Variants in SLC35F3 observed in about 807,000 individuals in gnomAD.
SLC35F3 encodes putative thiamine transporter SLC35F3.
SLC35F3 carries 25 observed loss-of-function variants against 49.9 expected under a neutral mutation model. The observed-to-expected ratio is 0.50, with a 90% CI of 0.37 to 0.70. SLC35F3 has a LOEUF of 0.70. SLC35F3 is among the 30% of genes least tolerant of loss of function. The pLI is 0.00. For synonymous variants in SLC35F3, 275 were observed against 265.4 expected (o/e 1.04, Z -0.35); for missense variants, 525 against 639.8 (o/e 0.82, Z 1.94).
chr1:234,121,052 A>G (rs1665563105), intron 2 of SLC35F3, among the ~76,000 whole-genome samples: 1 of 152,068 alleles, frequency 6.6e-6, no homozygotes, highest in African/African-American at 2.4e-5. Context: ...GCAACTCTTC[A>G]ATAGAAAAAA....
chr1:234,021,719 C>A (rs1359911531), intron 2 of SLC35F3, among the ~76,000 whole-genome samples: 1 of 152,230 alleles, frequency 6.6e-6, no homozygotes, highest in Admixed American at 6.5e-5. Context: ...GTAGGGTCTG[C>A]AACCTCCCTT....
At chr1:234,222,035 G>T (rs909910801) in intron 2 of SLC35F3, among the ~76,000 whole-genome samples, 2 of 152,206 alleles carry the variant, frequency 1.3e-5, no homozygotes, top group East Asian at 3.9e-4. Context: ...GAGCATATGT[G>T]TGCATGTAAA....
At chr1:233,937,360 G>A (rs963730047) in intron 2 of SLC35F3, among the ~76,000 whole-genome samples, 17 of 152,246 alleles carry the variant, frequency 1.1e-4, no homozygotes, top group African/African-American at 4.1e-4. Context: ...TATCCATTCT[G>A]TTAAAATCAA....
chr1:234,312,737 C>A (rs1657387361), intron 4 of SLC35F3, among the ~76,000 whole-genome samples: 1 of 152,184 alleles, frequency 6.6e-6, no homozygotes, highest in Admixed American at 6.5e-5. Flanking sequence ...AAAATCAGTC[C>A]ATTTTTCCCT....
chr1:234,199,988 A>T (rs560126774), intron 2 of SLC35F3, among the ~76,000 whole-genome samples: 1 of 152,334 alleles, frequency 6.6e-6, no homozygotes, highest in East Asian at 1.9e-4. Flanking sequence ...GAATAATAGC[A>T]CACGTTTGGT....
At chr1:233,935,435 A>G (rs1662308591) in intron 2 of SLC35F3, among the ~76,000 whole-genome samples, 1 of 152,002 alleles carries the variant, frequency 6.6e-6, no homozygotes, top group African/African-American at 2.4e-5. Context: ...CTTTGCCTGT[A>G]TCCTGGAGGC....
At chr1:234,090,452 A>G (rs961362470) in intron 2 of SLC35F3, among the ~76,000 whole-genome samples, 2 of 152,272 alleles carry the variant, frequency 1.3e-5, no homozygotes, top group African/African-American at 2.4e-5. Context: ...ACAAGGCTGC[A>G]GAGCAAGGAG....
intron 3 of SLC35F3, among the ~76,000 whole-genome samples, chr1:234,296,951 A>G (rs1668606736): frequency 6.6e-6 from 1 of 152,250 alleles, no homozygotes; most frequent in South Asian, 2.1e-4. Context: ...ATTTGCCTAC[A>G]GTGGCTGAAC....
chr1:234,319,304 T>C (rs1002227000), intron 6 of SLC35F3, among the ~76,000 whole-genome samples: 3 of 150,482 alleles, frequency 2.0e-5, no homozygotes, highest in Admixed American at 2.0e-4. Flanking sequence ...TACTATAGAT[T>C]ATCATTATTA....
At chr1:234,198,073 G>T (rs1666841776) in intron 2 of SLC35F3, among the ~76,000 whole-genome samples, 1 of 152,180 alleles carries the variant, frequency 6.6e-6, no homozygotes, top group South Asian at 2.1e-4. Context: ...CTGACAGATG[G>T]TTAACCTGTG....
intron 2 of SLC35F3, among the ~76,000 whole-genome samples, chr1:234,202,188 G>T (rs1036647917): frequency 2.0e-5 from 3 of 152,160 alleles, no homozygotes; most frequent in African/African-American, 7.2e-5. Context: ...CTTATAAGTC[G>T]GAACTGAATG....
At chr1:233,972,316 C>T (rs1663008942) in intron 2 of SLC35F3, among the ~76,000 whole-genome samples, 1 of 152,160 alleles carries the variant, frequency 6.6e-6, no homozygotes, top group Non-Finnish European at 1.5e-5. Context: ...CAAGAAGCAT[C>T]AAGCATATTT....
At chr1:234,102,469 C>G (rs1196592162) in intron 2 of SLC35F3, among the ~76,000 whole-genome samples, 1 of 152,194 alleles carries the variant, frequency 6.6e-6, no homozygotes, top group East Asian at 1.9e-4. Flanking sequence ...TCCAGAAGAG[C>G]CCAGTCGTGT....
intron 2 of SLC35F3, among the ~76,000 whole-genome samples, chr1:233,925,494 T>C (rs1662142207): frequency 6.6e-6 from 1 of 152,208 alleles, no homozygotes; most frequent in Non-Finnish European, 1.5e-5. Flanking sequence ...TTGGTAGATC[T>C]TCCTCCATCC....
chr1:234,108,840 C>A (rs1423938379), intron 2 of SLC35F3, among the ~76,000 whole-genome samples: 1 of 139,130 alleles, frequency 7.2e-6, no homozygotes, highest in African/African-American at 2.7e-5. Context: ...TTTTTGATTT[C>A]TTTAAATATG....
At chr1:233,966,358 A>G (rs1662906240) in intron 2 of SLC35F3, among the ~76,000 whole-genome samples, 2 of 152,200 alleles carry the variant, frequency 1.3e-5, no homozygotes. Context: ...CAATGGGAAT[A>G]CTTAAATCAG....
intron 2 of SLC35F3, among the ~76,000 whole-genome samples, chr1:234,179,531 A>T (rs1197199173): frequency 6.6e-6 from 1 of 152,210 alleles, no homozygotes; most frequent in African/African-American, 2.4e-5. Flanking sequence ...CATATTTATT[A>T]TCTCAAACAT....
intron 2 of SLC35F3, among the ~76,000 whole-genome samples, chr1:234,085,678 G>T (rs533523717): frequency 1.3e-5 from 2 of 152,286 alleles, no homozygotes; most frequent in East Asian, 3.9e-4. Context: ...ATCACCTACA[G>T]TCTCAGATCT....
At chr1:233,912,294 A>G (rs1661887858) in intron 2 of SLC35F3, among the ~76,000 whole-genome samples, 1 of 152,136 alleles carries the variant, frequency 6.6e-6, no homozygotes, top group Non-Finnish European at 1.5e-5. Context: ...CCTGGCCAAG[A>G]TGGTGAAACC....
Sources: allele counts gnomAD v4.1 joint callset (sites outside exome capture counted in the v4.1 genomes callset), GRCh38; gene constraint gnomAD v4.1.1; transcripts MANE v1.5; gene names NCBI Gene and HGNC (gene_info 2026-07-23, HGNC 2026-07-21).